Variants in KATNIP observed in about 807,000 individuals in gnomAD.
KATNIP encodes the protein katanin-interacting protein.
A neutral mutation model predicts 174.0 loss-of-function variants in KATNIP; 126 were observed. The ratio of observed to expected loss-of-function variants is 0.72; its 90% confidence interval spans 0.63 to 0.84. The LOEUF is 0.84. Ranked by LOEUF, KATNIP falls within the 40% of genes least tolerant of loss-of-function variation. The pLI, the probability that KATNIP is intolerant of heterozygous loss-of-function variation, is 0.00. For synonymous variants in KATNIP, 810 were observed against 835.7 expected, an observed-to-expected ratio of 0.97 and a Z score of 0.53; for missense variants, 1,958 against 2,109.7, an observed-to-expected ratio of 0.93 and a Z score of 1.41.
intron 18 of KATNIP, among the ~76,000 whole-genome samples, chr16:27,756,901 C>T (rs1363320512): frequency 6.6e-6 from 1 of 152,194 alleles, no homozygotes; most frequent in Non-Finnish European, 1.5e-5. Flanking sequence ...TTCTCCCATT[C>T]AACACCATCC....
intron 6 of KATNIP, among the ~76,000 whole-genome samples, chr16:27,658,402 T>A (rs1242127248): frequency 6.6e-6 from 1 of 152,208 alleles, no homozygotes; most frequent in East Asian, 1.9e-4. Flanking sequence ...ACCAGAGACC[T>A]GAAGATTAGA....
intron 9 of KATNIP, among the ~76,000 whole-genome samples, chr16:27,699,050 G>C (rs141329834): frequency 3.0e-4 from 46 of 152,330 alleles, no homozygotes; most frequent in Non-Finnish European, 5.4e-4. Context: ...GGAGCTGGAG[G>C]CATTGGGTAT....
At chr16:27,635,603 CAAA>C (rs547676881) in intron 5 of KATNIP, among the ~76,000 whole-genome samples, 2 of 137,626 alleles carry the variant, frequency 1.5e-5, no homozygotes, top group East Asian at 2.1e-4. Flanking sequence ...CTCTAGGGTT[CAAA>C]AAAAAAAAAA....
intron 6 of KATNIP, among the ~76,000 whole-genome samples, chr16:27,676,767 T>TCAACTTC (rs2078133077): frequency 6.6e-6 from 1 of 152,080 alleles, no homozygotes; most frequent in South Asian, 2.1e-4. Flanking sequence ...CTTCCCAGGC[T>TCAACTTC]CAGGTGATCC....
rs572505603 is a variant in KATNIP at position 27,774,108 on chromosome 16, A to G, written c.4310-837A>G. Among the ~76,000 whole-genome samples the G allele has an allele frequency of 1.4e-4, 22 of 152,136 alleles. No homozygotes were observed. In the South Asian group the frequency reaches 4.6e-3, roughly 32 times the overall value. ...GGCCCCCTCGGATCTTGAATCTGTG[A>G]TCCCTGGCCCACCACAGTTAGGGAA... is the stretch of plus-strand genomic sequence containing the variant. On this transcript the variant is annotated intron_variant, in intron 23 of 27. Coordinates refer to ENST00000261588, the MANE Select transcript of KATNIP (RefSeq NM_015202.5).
At chr16:27,684,031 G>A (rs2078438032) in intron 8 of KATNIP, among the ~76,000 whole-genome samples, 1 of 152,136 alleles carries the variant, frequency 6.6e-6, no homozygotes, top group Non-Finnish European at 1.5e-5. Flanking sequence ...TGAGCTAACT[G>A]GGACTTCCCT....
intron 22 of KATNIP, 83 bp downstream of exon 22, chr16:27,771,735 G>A: frequency 6.9e-7 from 1 of 1,447,466 alleles, no homozygotes; most frequent in Non-Finnish European, 9.6e-7. Flanking sequence ...AGGGTTTCAG[G>A]CGGCCACAGA....
chr16:27,563,326 G>A (rs962807447), intron 1 of KATNIP, among the ~76,000 whole-genome samples: 26 of 152,190 alleles, frequency 1.7e-4, no homozygotes, highest in African/African-American at 6.3e-4. Context: ...CTAAGGCCCT[G>A]AGGCAGGAAG....
At chr16:27,642,769 ATTT>A (rs143123046) in intron 5 of KATNIP, among the ~76,000 whole-genome samples, 4 of 125,580 alleles carry the variant, frequency 3.2e-5, no homozygotes, top group Middle Eastern at 3.7e-3. Flanking sequence ...TTTTTAAAAA[ATTT>A]TTTTTTTTTT....
At position 27,749,590 on chromosome 16, in the gene KATNIP, C is replaced by G. The variant is rs756860773; in HGVS notation, c.2630C>G (p.Thr877Ser). The G allele has an allele frequency of 5.2e-6, 8 of 1,529,112 alleles. No homozygotes were observed. The South Asian group carries it at 9.2e-5, about 18-fold the overall frequency. The allele number at this position is 1,529,112 out of a possible 1,614,324, so 94.7% of individuals were successfully genotyped here. Residue 877 changes from threonine to serine, a missense_variant, in exon 16 of 28, where the codon ACC becomes AGC. Transcript: ENST00000261588. ...CTTGTGTCCTTTCTTCCAGAAGACA[C>G]CTGGTCTTCCAGGACGCCGTCACGG... ...GDDQPASREDTWSSRTPSRSR... is the reference protein window; with the variant it reads ...GDDQPASREDSWSSRTPSRSR...
chr16:27,586,592 G>T (rs1349944923), intron 2 of KATNIP, among the ~76,000 whole-genome samples: 1 of 152,156 alleles, frequency 6.6e-6, no homozygotes, highest in African/African-American at 2.4e-5. Context: ...ACTTTGGGAG[G>T]CCAAGGCAGG....
intron 10 of KATNIP, among the ~76,000 whole-genome samples, chr16:27,700,055 C>T (rs59080225): frequency 0.019 from 2,945 of 151,910 alleles, 73 homozygotes; most frequent in East Asian, 0.093. Flanking sequence ...GGATTACAGG[C>T]GCACAGCCAC....
At chr16:27,573,138 G>A (rs1483451190) in intron 1 of KATNIP, among the ~76,000 whole-genome samples, 2 of 152,166 alleles carry the variant, frequency 1.3e-5, no homozygotes, top group Non-Finnish European at 2.9e-5. Flanking sequence ...ACTGGTTGTG[G>A]CATTTTCACA....
intron 16 of KATNIP, 75 bp from the exon 17 acceptor site, chr16:27,751,644 G>A (rs2081520396): frequency 2.2e-6 from 3 of 1,392,914 alleles, no homozygotes; most frequent in Non-Finnish European, 3.1e-6. Flanking sequence ...GAAGTGGATG[G>A]GTTTAGGCTC....
rs1403956231 is a variant in KATNIP at position 27,749,648 on chromosome 16, T to C, written c.2688T>C (p.Leu896=). 2 of 1,599,690 alleles carry C rather than the reference T, an allele frequency of 1.3e-6. No homozygotes were observed. Among genetic ancestry groups the C allele is most frequent in the Non-Finnish European group, 1.7e-6 (2 of 1,173,158 alleles). Residue 896 remains leucine, a synonymous_variant, in exon 16 of 28, where the codon CTT becomes CTC. Coordinates refer to ENST00000261588, the MANE Select transcript of KATNIP (RefSeq NM_015202.5). The stretch of plus-strand genomic sequence containing the variant: ...GGCGCAGTGAGCAGGAGCACACACT[T>C]CACGAGTCATGGAGCTCCCTCAGTG... ...SRWRSEQEHT[L]HESWSSLSAF... is the part of the protein sequence containing the mutation.
At chr16:27,670,870 G>A (rs1278120925) in intron 6 of KATNIP, among the ~76,000 whole-genome samples, 1 of 152,140 alleles carries the variant, frequency 6.6e-6, no homozygotes, top group Non-Finnish European at 1.5e-5. Context: ...GAAAGTCCTG[G>A]AAAGGCTGTC....
chr16:27,617,354 G>C (rs920326663), intron 2 of KATNIP, among the ~76,000 whole-genome samples: 1 of 152,086 alleles, frequency 6.6e-6, no homozygotes, highest in Non-Finnish European at 1.5e-5. Context: ...CTTCTCATTG[G>C]CACAGCATTC....
intron 2 of KATNIP, among the ~76,000 whole-genome samples, chr16:27,613,138 T>G (rs529007321): frequency 1.3e-5 from 2 of 151,692 alleles, no homozygotes; most frequent in South Asian, 4.2e-4. Flanking sequence ...TAGCCATGTA[T>G]TGGCACCTGC....
chr16:27,566,022 G>GTTT (rs200468514), intron 1 of KATNIP, among the ~76,000 whole-genome samples: 2 of 131,624 alleles, frequency 1.5e-5, no homozygotes, highest in Non-Finnish European at 3.3e-5. Context: ...ACCAGCAGCT[G>GTTT]TTTTTTTTTT....
Sources: allele counts gnomAD v4.1 joint callset (sites outside exome capture counted in the v4.1 genomes callset), GRCh38; gene constraint gnomAD v4.1.1; transcripts MANE v1.5; gene names NCBI Gene and HGNC (gene_info 2026-07-23, HGNC 2026-07-21).